The following RIOK3 variants were observed in gnomAD, a reference collection of about 807,000 sequenced individuals.
RIOK3 encodes RIO kinase 3.
In RIOK3, 40 loss-of-function variants were observed where a neutral mutation model predicts 63.5. The observed-to-expected ratio is 0.63, with a 90% CI of 0.49 to 0.82. The LOEUF is 0.82. RIOK3 is among the 40% of genes least tolerant of loss of function. RIOK3 has a pLI of 0.00. For missense variants in RIOK3, 557 were observed against 637.0 expected (o/e 0.87, Z 1.35); for synonymous variants, 193 against 205.0 (o/e 0.94, Z 0.50).
chr18:23,475,586 G>A (rs1007988229), intron 9 of RIOK3, among the ~76,000 whole-genome samples: 1 of 151,892 alleles, frequency 6.6e-6, no homozygotes, highest in African/African-American at 2.4e-5. Flanking sequence ...CTATGATTGT[G>A]CCACTGCACC....
chr18:23,462,554 C>T (rs17202653), intron 1 of RIOK3, among the ~76,000 whole-genome samples: 16,178 of 152,278 alleles, frequency 0.11, 1,139 homozygotes, highest in Middle Eastern at 0.19. Context: ...TTTCATTAAG[C>T]TTCAAATGGT....
At chr18:23,464,954 C>T (rs577348227) in intron 5 of RIOK3, among the ~76,000 whole-genome samples, 7 of 152,160 alleles carry the variant, frequency 4.6e-5, no homozygotes, top group Admixed American at 2.6e-4. Flanking sequence ...ATAACGGTGG[C>T]GATTGGGGAA....
chr18:23,480,001 G>T (rs1244047970), intron 12 of RIOK3, among the ~76,000 whole-genome samples: 1 of 152,168 alleles, frequency 6.6e-6, no homozygotes, highest in Admixed American at 6.5e-5. Flanking sequence ...CCTATTTAAT[G>T]AATGAGGAAG....
At position 23,473,409 on chromosome 18, in the gene RIOK3, AT is replaced by A. The variant is rs763947431; in HGVS notation, c.816-12del. The A allele has an allele frequency of 6.5e-6, 10 of 1,548,954 alleles. No homozygotes were observed. Among genetic ancestry groups the A allele is most frequent in the African/African-American group, 2.7e-5 (2 of 73,168 alleles). ...TGAGCTGGCAACTTGTACTGACTTG[AT>A]TTTTTTTCTTCCACTTAGCATGGAG... On this transcript the variant is annotated intron_variant, in intron 7 of 12. Transcript: ENST00000339486.
chr18:23,462,031 C>T (rs1440932949), intron 1 of RIOK3, among the ~76,000 whole-genome samples: 1 of 143,354 alleles, frequency 7.0e-6, no homozygotes, highest in Non-Finnish European at 1.5e-5. Flanking sequence ...GTGGAGATTG[C>T]AGTGAGCCGA....
chr18:23,480,588 CACAT>C lies in RIOK3; in HGVS notation c.1453-582_1453-579del, dbSNP rs1346535064. On this transcript the variant is annotated intron_variant, in intron 12 of 12. Transcript: ENST00000339486. ...ACACACACACACACACACACACACA[CACAT>C]AGTAATTTCAACTCAAAGGCAGAAT... Among the ~76,000 whole-genome samples the C allele has an allele frequency of 1.5e-3, 230 of 149,826 alleles. 2 individuals are homozygous for C. The highest frequency in any genetic ancestry group is 4.9e-3 in the African/African-American group (201 of 41,064).
In RIOK3 at chr18:23,466,183, A is replaced by G. The variant is rs1295074389; in HGVS notation, c.594A>G (p.Leu198=). The change falls in exon 6 of 13, where the codon CTA becomes CTG. Residue 198 remains leucine, a synonymous_variant. Coordinates refer to ENST00000339486, the MANE Select transcript of RIOK3 (RefSeq NM_003831.5). ...VGDGIGMDLK[L]SNHVFNALKQ... ...ATGGAATTGGAATGGATTTAAAACT[A>G]TCAAACCATGTTTTCAATGCTTTAA... is the stretch of plus-strand genomic sequence containing the variant. 3 of 1,610,982 alleles carry G rather than the reference A, an allele frequency of 1.9e-6. No homozygotes were observed. The highest frequency in any genetic ancestry group is 1.7e-6 in the Non-Finnish European group (2 of 1,178,802).
At chr18:23,467,679 T>A in intron 7 of RIOK3, 153 bp downstream of exon 7, 1 of 555,386 alleles carries the variant, frequency 1.8e-6, no homozygotes, top group Non-Finnish European at 2.9e-6. Flanking sequence ...TAGGAATGTA[T>A]AAAAAACACA....
In RIOK3 at chr18:23,466,127, T is replaced by G; in HGVS notation, c.544-6T>G. 2 of 1,580,458 alleles carry G rather than the reference T, an allele frequency of 1.3e-6. No homozygotes were observed. Among genetic ancestry groups the G allele is most frequent in the South Asian group, 2.4e-5 (2 of 84,130 alleles). ...ATATTTAGATGCTAATTCTTCCTTT[T>G]GGCAGTTTGCACCTGAGTTTCAGGT... On this transcript the variant is annotated splice_polypyrimidine_tract_variant and splice_region_variant and intron_variant, in intron 5 of 12. Coordinates refer to ENST00000339486, the MANE Select transcript of RIOK3 (RefSeq NM_003831.5).
At chr18:23,469,394 T>C (rs887129649) in intron 7 of RIOK3, among the ~76,000 whole-genome samples, 10,254 of 13,452 alleles carry the variant, frequency 0.76, 4,641 homozygotes, top group Middle Eastern at 1. Flanking sequence ...CTCCCCTCTC[T>C]CCTCTCTCCC....
intron 12 of RIOK3, among the ~76,000 whole-genome samples, chr18:23,480,919 T>G (rs1598819101): frequency 1.3e-5 from 2 of 152,006 alleles, no homozygotes; most frequent in South Asian, 4.2e-4. Flanking sequence ...AAACCCGTCT[T>G]TACTAAAAAT....
rs1466149539 is a variant in RIOK3 at position 23,453,446 on chromosome 18, C to T, written c.7C>T (p.Leu3=). The T allele has an allele frequency of 5.0e-6, 8 of 1,613,436 alleles. No homozygotes were observed. The African/African-American group carries it at 5.3e-5, about 11-fold the overall frequency. Residue 3 remains leucine (L), a synonymous_variant, in exon 1 of 13, where the codon CTG becomes TTG. Coordinates refer to ENST00000339486, the MANE Select transcript of RIOK3 (RefSeq NM_003831.5). The stretch of plus-strand genomic sequence containing the variant: ...TCTCTGCCTTCATTCCCGAATGGAT[C>T]TGGTAGGAGTGGCATCGCCTGAGCC... The part of the protein sequence containing the change: MD[L]VGVASPEPGT...
chr18:23,478,665 A>C (rs2057510974), intron 11 of RIOK3, among the ~76,000 whole-genome samples: 1 of 103,164 alleles, frequency 9.7e-6, no homozygotes, highest in Non-Finnish European at 2.0e-5. Context: ...ATATGGTAAA[A>C]TTTAGTAAGC....
intron 12 of RIOK3, among the ~76,000 whole-genome samples, chr18:23,480,525 G>A (rs1044824331): frequency 6.7e-6 from 1 of 148,174 alleles, no homozygotes; most frequent in Non-Finnish European, 1.5e-5. Context: ...ATACATGTAT[G>A]TATGACTATT....
Position 23,481,527 on chromosome 18 carries a change from CT to C in RIOK3, c.*249del, listed in dbSNP as rs1350658691. 2.9e-6 allele frequency: 1 copy of C among 342,244 alleles called. No homozygotes were observed. The highest frequency in any genetic ancestry group is 2.1e-5 in the African/African-American group (1 of 47,238). 21.2% of individuals were successfully genotyped at this position (342,244 alleles called of 1,614,324 possible). A position where few individuals can be genotyped will look rare whatever the true frequency, so the allele number is the denominator to read the frequency against. On this transcript the variant is annotated 3_prime_UTR_variant, in exon 13 of 13. Coordinates refer to ENST00000339486, the MANE Select transcript of RIOK3 (RefSeq NM_003831.5). ...TCTTTAACAGCTATAGGTTATCTGG[CT>C]GAAGTAGACCTAATTTTATGTGACT...
At chr18:23,455,781 G>A (rs1429748538) in intron 1 of RIOK3, among the ~76,000 whole-genome samples, 3 of 151,696 alleles carry the variant, frequency 2.0e-5, no homozygotes, top group Non-Finnish European at 4.4e-5. Flanking sequence ...CTACAGGCCA[G>A]TGCCACCACA....
chr18:23,466,237 A>T lies in RIOK3; in HGVS notation c.648A>T (p.Arg216=). 2 of 1,612,612 alleles carry T rather than the reference A, an allele frequency of 1.2e-6. No individual in the cohort carries two copies. Among genetic ancestry groups the T allele is most frequent in the Non-Finnish European group, 1.7e-6 (2 of 1,179,318 alleles). ...LKQHAYSEER[R]SARLHEKKEH... Reference sequence around the variant, plus strand: ...AACATGCCTACTCAGAAGAACGTCGAAGTGCCCGCCTACATGAGAAAAAGG... The same window carrying T: ...AACATGCCTACTCAGAAGAACGTCGTAGTGCCCGCCTACATGAGAAAAAGG... Residue 216 remains arginine (R), a synonymous_variant, in exon 6 of 13, where the codon CGA becomes CGT. Coordinates refer to ENST00000339486, the MANE Select transcript of RIOK3 (RefSeq NM_003831.5).
chr18:23,466,151 G>A lies in RIOK3; in HGVS notation c.562G>A (p.Val188Ile), dbSNP rs1438292386. 1 of 1,598,556 alleles carries A rather than the reference G, an allele frequency of 6.3e-7. No homozygotes were observed. Among genetic ancestry groups the A allele is most frequent in the Non-Finnish European group, 8.5e-7 (1 of 1,174,560 alleles). Residue 188 changes from valine (V) to isoleucine (I), a missense_variant, in exon 6 of 13, where the codon GTA becomes ATA. Physicochemically the swap from Val to Ile is conservative, Grantham distance 29 (BLOSUM62 3). Transcript: ENST00000339486. ...TTGGCAGTTTGCACCTGAGTTTCAG[G>A]TAGGAGATGGAATTGGAATGGATTT... ...RMENFAPEFQ[V>I]GDGIGMDLKL... is the part of the protein sequence containing the mutation.
chr18:23,467,091 G>A (rs373339538), intron 6 of RIOK3, among the ~76,000 whole-genome samples: 2 of 151,728 alleles, frequency 1.3e-5, no homozygotes, highest in East Asian at 3.9e-4. Flanking sequence ...CAAGGCGGGC[G>A]GATCATGAGG....
Sources: gnomAD v4.1 joint callset for allele counts (sites outside exome capture counted in the v4.1 genomes callset) on GRCh38, gnomAD v4.1.1 for gene constraint, MANE v1.5 for transcripts, NCBI Gene and HGNC (gene_info 2026-07-23, HGNC 2026-07-21) for gene names.